The following RIMS2 variants were observed in gnomAD, a reference collection of about 807,000 sequenced individuals.
RIMS2 encodes regulating synaptic membrane exocytosis protein 2.
RIMS2 carries 59 observed loss-of-function variants against 174.4 expected under a neutral mutation model. That is an observed-to-expected ratio of 0.34 (90% CI 0.27 to 0.42). The LOEUF (loss-of-function observed/expected upper bound fraction) is 0.42. Among genes scored for constraint, RIMS2 ranks in the 10% least tolerant of loss-of-function variants. The pLI is 1.00. For synonymous variants in RIMS2, 606 were observed against 572.5 expected, an observed-to-expected ratio of 1.06 and a Z score of -0.84; for missense variants, 1,620 against 1,666.3, an observed-to-expected ratio of 0.97 and a Z score of 0.48.
chr8:103,734,766 G>C (rs1045710500), intron 2 of RIMS2, among the ~76,000 whole-genome samples: 1 of 151,996 alleles, frequency 6.6e-6, no homozygotes, highest in Non-Finnish European at 1.5e-5. Flanking sequence ...GCAAGCTTTG[G>C]TAGGCCTCTT....
At chr8:103,754,567 T>C (rs573029002) in intron 2 of RIMS2, among the ~76,000 whole-genome samples, 1 of 152,258 alleles carries the variant, frequency 6.6e-6, no homozygotes, top group South Asian at 2.1e-4. Context: ...GGAGTCTAAG[T>C]CTCTTTGTAG....
intron 19 of RIMS2, among the ~76,000 whole-genome samples, chr8:104,120,830 AGCATT>A (rs1177165946): frequency 1.3e-5 from 2 of 152,156 alleles, no homozygotes; most frequent in East Asian, 3.8e-4. Flanking sequence ...TTGGGGTGAG[AGCATT>A]GCTTATAGGA....
chr8:103,909,344 C>A (rs1382422803), intron 4 of RIMS2, among the ~76,000 whole-genome samples: 1 of 151,670 alleles, frequency 6.6e-6, no homozygotes, highest in Non-Finnish European at 1.5e-5. Context: ...AAATACTGAG[C>A]AAATAAGCAT....
At chr8:104,213,455 CT>C (rs2099114496) in intron 19 of RIMS2, among the ~76,000 whole-genome samples, 1 of 152,196 alleles carries the variant, frequency 6.6e-6, no homozygotes, top group Non-Finnish European at 1.5e-5. Flanking sequence ...TAACATCTGT[CT>C]ACTCATTACA....
At chr8:104,196,889 T>G (rs12678347) in intron 19 of RIMS2, among the ~76,000 whole-genome samples, 1 of 152,012 alleles carries the variant, frequency 6.6e-6, no homozygotes, top group Non-Finnish European at 1.5e-5. Flanking sequence ...TATTGAAAAG[T>G]TTATAAACTT....
intron 1 of RIMS2, among the ~76,000 whole-genome samples, chr8:103,569,390 A>G (rs1485100070): frequency 6.6e-6 from 1 of 152,146 alleles, no homozygotes; most frequent in Non-Finnish European, 1.5e-5. Flanking sequence ...AACTGATCTG[A>G]AAAAAAGCTA....
At chr8:103,529,790 T>C (rs766107503) in intron 1 of RIMS2, among the ~76,000 whole-genome samples, 21 of 152,242 alleles carry the variant, frequency 1.4e-4, no homozygotes, top group Non-Finnish European at 2.8e-4. Context: ...AATCTTTAGA[T>C]TGCTTACAAT....
At chr8:103,593,141 G>T (rs1382213467) in intron 1 of RIMS2, among the ~76,000 whole-genome samples, 9 of 151,464 alleles carry the variant, frequency 5.9e-5, no homozygotes, top group Non-Finnish European at 1.0e-4. Flanking sequence ...GATAACATTT[G>T]AGCTTTCAAG....
chr8:103,928,595 TTGC>T (rs1459738292), intron 11 of RIMS2, among the ~76,000 whole-genome samples: 2 of 151,242 alleles, frequency 1.3e-5, no homozygotes, highest in Non-Finnish European at 3.0e-5. Context: ...TCTCCTTGCT[TTGC>T]TGCATGTTGT....
chr8:103,864,517 C>T (rs1010832646), intron 3 of RIMS2, among the ~76,000 whole-genome samples: 5 of 152,004 alleles, frequency 3.3e-5, no homozygotes, highest in African/African-American at 4.8e-5. Flanking sequence ...TAATTTTCTT[C>T]GACCATGGTC....
At chr8:103,632,094 C>T (rs2095938750) in intron 1 of RIMS2, among the ~76,000 whole-genome samples, 1 of 151,832 alleles carries the variant, frequency 6.6e-6, no homozygotes, top group Non-Finnish European at 1.5e-5. Context: ...ACCTCATCTT[C>T]TTCTATTTAT....
At position 103,828,614 on chromosome 8, in the gene RIMS2, T is replaced by C. The variant is rs113860374; in HGVS notation, c.699-56684T>C. Among the ~76,000 whole-genome samples the C allele has an allele frequency of 5.0e-3, 761 of 152,338 alleles. 8 individuals carry two copies. The highest frequency in any genetic ancestry group is 0.017 in the African/African-American group (723 of 41,592). ...TTGTCAATTTTTGGTTTTGTTGCAATTGCTTTTGGAGCCTTTATGTCATGA... is the reference window on the plus strand; with the variant it reads ...TTGTCAATTTTTGGTTTTGTTGCAACTGCTTTTGGAGCCTTTATGTCATGA... On this transcript the variant is annotated intron_variant, in intron 3 of 23. Coordinates refer to ENST00000504942, the Ensembl canonical transcript of RIMS2.
At chr8:104,095,814 G>A (rs2097753520) in intron 19 of RIMS2, among the ~76,000 whole-genome samples, 1 of 152,016 alleles carries the variant, frequency 6.6e-6, no homozygotes, top group Non-Finnish European at 1.5e-5. Context: ...CTAAAATTGT[G>A]CTTTTCTCAC....
chr8:104,030,400 T>G (rs1285822391), intron 19 of RIMS2, among the ~76,000 whole-genome samples: 2 of 152,142 alleles, frequency 1.3e-5, no homozygotes, highest in Admixed American at 6.5e-5. Context: ...AACATATAAA[T>G]AAAAAGAAAG....
chr8:104,104,641 C>T (rs1041751891), intron 19 of RIMS2, among the ~76,000 whole-genome samples: 1 of 152,130 alleles, frequency 6.6e-6, no homozygotes, highest in Non-Finnish European at 1.5e-5. Context: ...TGTGATGGCT[C>T]ATGCCTGTAA....
chr8:103,925,777 G>A lies in RIMS2; in HGVS notation c.2197-2065G>A, dbSNP rs574382665. ...AGATGGAAAAGTAGGGAGTGATTAC[G>A]TAAAGTTCAGAGTGTTCTGGGATGA... On this transcript the variant is annotated intron_variant, in intron 10 of 23. Coordinates refer to ENST00000504942, the Ensembl canonical transcript of RIMS2. Among the ~76,000 whole-genome samples, 5 of 151,692 alleles carry A rather than the reference G, an allele frequency of 3.3e-5. No homozygotes were observed. In the South Asian group the frequency reaches 1.0e-3, roughly 31 times the overall value.
At chr8:103,643,926 C>T (rs754949194) in intron 1 of RIMS2, among the ~76,000 whole-genome samples, 10 of 151,948 alleles carry the variant, frequency 6.6e-5, no homozygotes, top group Admixed American at 2.0e-4. Context: ...TCCTCAGGCC[C>T]GTTAAGCTTT....
intron 17 of RIMS2, among the ~76,000 whole-genome samples, chr8:103,996,505 A>G (rs2095109572): frequency 6.6e-6 from 1 of 151,970 alleles, no homozygotes; most frequent in South Asian, 2.1e-4. Flanking sequence ...ACACCATAAA[A>G]ACAATTGCAT....
chr8:104,136,101 T>C (rs1369967341), intron 19 of RIMS2, among the ~76,000 whole-genome samples: 2 of 152,246 alleles, frequency 1.3e-5, no homozygotes, highest in African/African-American at 4.8e-5. Flanking sequence ...AGAATTACTC[T>C]GTCTACTCAA....
Sources: gnomAD v4.1 joint callset for allele counts (sites outside exome capture counted in the v4.1 genomes callset) on GRCh38, gnomAD v4.1.1 for gene constraint, MANE v1.5 for transcripts, NCBI Gene and HGNC (gene_info 2026-07-23, HGNC 2026-07-21) for gene names.